Variants in STON1 observed in about 807,000 individuals in gnomAD.
STON1 encodes the protein stonin-1.
STON1 carries 79 observed loss-of-function variants against 60.9 expected under a neutral mutation model. The observed-to-expected ratio is 1.30, with a 90% CI of 1.08 to 1.56. The LOEUF (loss-of-function observed/expected upper bound fraction) is 1.56. Ranked by LOEUF, STON1 falls within the 40% of genes most tolerant of loss-of-function variation. The pLI is 0.00. For missense variants in STON1, 1,166 were observed against 858.9 expected (o/e 1.36, Z -4.47); for synonymous variants, 363 against 306.9 (o/e 1.18, Z -1.91).
chr2:48,572,569 T>C (rs1335120164), intron 1 of STON1, among the ~76,000 whole-genome samples: 1 of 152,184 alleles, frequency 6.6e-6, no homozygotes, highest in Non-Finnish European at 1.5e-5. Context: ...TTTATTTGTC[T>C]CATAATAAGC....
At chr2:48,565,540 G>A (rs1672904628) in intron 1 of STON1, among the ~76,000 whole-genome samples, 1 of 152,138 alleles carries the variant, frequency 6.6e-6, no homozygotes, top group Non-Finnish European at 1.5e-5. Context: ...TGGGCACAGG[G>A]ATCTAAGACA....
In STON1 at chr2:48,596,431, T is replaced by G. The variant is rs1674783634; in HGVS notation, c.*1129T>G. On this transcript the variant is annotated 3_prime_UTR_variant, in exon 4 of 4. Coordinates refer to ENST00000404752, the MANE Select transcript of STON1 (RefSeq NM_006873.4). The stretch of plus-strand genomic sequence containing the variant: ...AGTTATAATTCTGTTTATAATTTCC[T>G]TTCAGCATTTACAGTGAAAAGTGAG... 1 of 152,222 alleles carries G rather than the reference T, an allele frequency of 6.6e-6. No individual in the cohort carries two copies. The allele number at this position is 152,222 out of a possible 1,614,324, so 9.4% of individuals were successfully genotyped here.
intron 3 of STON1, among the ~76,000 whole-genome samples, chr2:48,592,594 G>GTTATTA (rs1558652824): frequency 1.1e-5 from 1 of 92,606 alleles, no homozygotes; most frequent in African/African-American, 4.0e-5. Context: ...ACCACACCCA[G>GTTATTA]CTATTATTAT....
intron 1 of STON1, among the ~76,000 whole-genome samples, chr2:48,558,751 A>G (rs934869567): frequency 2.6e-5 from 4 of 152,152 alleles, no homozygotes; most frequent in African/African-American, 7.2e-5. Context: ...TTCCCCATGA[A>G]GCCTTCCTTG....
chr2:48,552,250 A>G (rs932556688), intron 1 of STON1, among the ~76,000 whole-genome samples: 5 of 152,264 alleles, frequency 3.3e-5, no homozygotes, highest in Non-Finnish European at 7.3e-5. Context: ...CAGACACAAG[A>G]GGACACATAC....
At chr2:48,561,637 C>G (rs1672617693) in intron 1 of STON1, among the ~76,000 whole-genome samples, 1 of 152,162 alleles carries the variant, frequency 6.6e-6, no homozygotes, top group Admixed American at 6.5e-5. Flanking sequence ...GCATCTCTGG[C>G]CCCTACTTAC....
At chr2:48,541,655 C>T (rs1572927058) in intron 1 of STON1, among the ~76,000 whole-genome samples, 1 of 135,360 alleles carries the variant, frequency 7.4e-6, no homozygotes, top group East Asian at 2.3e-4. Context: ...GCCGAGATTG[C>T]ACCATTGCAC....
At chr2:48,539,356 A>C (rs1671564753) in intron 1 of STON1, among the ~76,000 whole-genome samples, 1 of 151,924 alleles carries the variant, frequency 6.6e-6, no homozygotes, top group African/African-American at 2.4e-5. Context: ...ACCTTTATCT[A>C]CATTTCTTCT....
rs536982237 is a variant in STON1, at chr2:48,592,605, T to TA, written c.2133+751dup. Among the ~76,000 whole-genome samples, 354 of 145,774 alleles carry TA rather than the reference T, an allele frequency of 2.4e-3. 2 individuals carry two copies. The highest frequency in any genetic ancestry group is 7.6e-3 in the African/African-American group (302 of 39,700). On this transcript the variant is annotated intron_variant, in intron 3 of 3. Coordinates refer to ENST00000404752, the MANE Select transcript of STON1 (RefSeq NM_006873.4). ...CACCACCACACCCAGCTATTATTAT[T>TA]ATTATTATTATTATTATTATTATTA...
rs370724354 is a variant in STON1, at chr2:48,570,703, C to T, written c.-47-9884C>T. Among the ~76,000 whole-genome samples the T allele has an allele frequency of 5.2e-4, 79 of 152,038 alleles. 1 individual carries two copies. Among genetic ancestry groups the T allele is most frequent in the Non-Finnish European group, 3.2e-4 (22 of 68,018 alleles). On this transcript the variant is annotated intron_variant, in intron 1 of 3. Transcript: ENST00000404752. ...GAAAACAGACAGCTGAAGAAAATGT[C>T]TAATAGTCTAAAGAGGAAGCAAACA...
intron 1 of STON1, among the ~76,000 whole-genome samples, chr2:48,547,697 G>A (rs1029011113): frequency 2.0e-5 from 3 of 152,228 alleles, no homozygotes; most frequent in African/African-American, 4.8e-5. Flanking sequence ...TATCTGAAGG[G>A]TGGTCAAGTG....
At chr2:48,593,595 C>T (rs1261006558) in intron 3 of STON1, among the ~76,000 whole-genome samples, 1 of 152,128 alleles carries the variant, frequency 6.6e-6, no homozygotes, top group Non-Finnish European at 1.5e-5. Context: ...TTACACAGCC[C>T]TCAGGAGGTC....
chr2:48,549,032 G>C (rs1671982654), intron 1 of STON1, among the ~76,000 whole-genome samples: 1 of 152,124 alleles, frequency 6.6e-6, no homozygotes, highest in Non-Finnish European at 1.5e-5. Context: ...CACATTTCTT[G>C]ATTTCCCTCA....
intron 1 of STON1, among the ~76,000 whole-genome samples, chr2:48,550,542 T>C (rs929198312): frequency 3.4e-5 from 5 of 148,996 alleles, no homozygotes; most frequent in African/African-American, 1.2e-4. Context: ...TAGTGTTTCT[T>C]ATGAGGATAT....
chr2:48,564,500 T>TC (rs1672805426), intron 1 of STON1, among the ~76,000 whole-genome samples: 1 of 23,616 alleles, frequency 4.2e-5, no homozygotes, highest in Non-Finnish European at 7.9e-5. Flanking sequence ...TTCTTCTTCT[T>TC]CTTCTTCTTC....
intron 1 of STON1, among the ~76,000 whole-genome samples, chr2:48,549,908 G>A (rs567979869): frequency 6.6e-6 from 1 of 151,610 alleles, no homozygotes; most frequent in South Asian, 2.1e-4. Flanking sequence ...TGGTGGGACC[G>A]ACTCTTGTCC....
intron 1 of STON1, among the ~76,000 whole-genome samples, chr2:48,571,007 C>A (rs1673181837): frequency 6.6e-6 from 1 of 151,948 alleles, no homozygotes; most frequent in South Asian, 2.1e-4. Flanking sequence ...TGAGGAGCAC[C>A]ACCACACCCA....
At chr2:48,580,248 A>G (rs1431536804) in intron 1 of STON1, among the ~76,000 whole-genome samples, 4 of 152,104 alleles carry the variant, frequency 2.6e-5, no homozygotes, top group African/African-American at 9.7e-5. Flanking sequence ...TTCCTAGTGA[A>G]TTGACTCTTT....
chr2:48,570,019 T>C (rs1673119860), intron 1 of STON1, among the ~76,000 whole-genome samples: 1 of 152,216 alleles, frequency 6.6e-6, no homozygotes, highest in African/African-American at 2.4e-5. Flanking sequence ...AGTCAATTCA[T>C]GATAATCTCC....
Sources: gnomAD v4.1 joint callset for allele counts (sites outside exome capture counted in the v4.1 genomes callset) on GRCh38, gnomAD v4.1.1 for gene constraint, MANE v1.5 for transcripts, NCBI Gene and HGNC (gene_info 2026-07-23, HGNC 2026-07-21) for gene names.